Variants in GGT6 observed in about 807,000 individuals in gnomAD.
The protein encoded by GGT6 is glutathione hydrolase 6.
A neutral mutation model predicts 17.0 loss-of-function variants in GGT6; 13 were observed. The ratio of observed to expected loss-of-function variants is 0.77; its 90% CI spans 0.50 to 1.22. GGT6 has a LOEUF of 1.22. Among genes scored for constraint, GGT6 ranks in the 50% most tolerant of loss-of-function variants. GGT6 has a pLI of 0.00. For synonymous variants in GGT6, 305 were observed against 297.9 expected (o/e 1.02, Z -0.25); for missense variants, 628 against 643.7 (o/e 0.98, Z 0.26).
rs1597395272 is a variant in GGT6, at chr17:4,557,840, A to G, written c.*175T>C. On this transcript the variant is annotated 3_prime_UTR_variant, in exon 4 of 4. Transcript: ENST00000381550. ...GAGATCTTGCTTTGTTGTCTAGGCT[A>G]GTTTCAAACTCCTGGCCTCGAGGTA... 1.9e-6 allele frequency: 1 copy of G among 535,918 alleles called. No individual in the cohort carries two copies. Among genetic ancestry groups the G allele is most frequent in the African/African-American group, 1.9e-5 (1 of 53,028 alleles). The allele number at this position is 535,918 out of a possible 1,614,324, so 33.2% of individuals were successfully genotyped here. A position where few individuals can be genotyped will look rare whatever the true frequency, so the allele number is the denominator to read the frequency against.
rs1236701427 is a variant in GGT6, at chr17:4,560,506, CT to C, written c.15del (p.Glu6SerfsTer32). On this transcript the variant is annotated frameshift_variant, in exon 1 of 4. Coordinates refer to ENST00000381550, the MANE Select transcript of GGT6 (RefSeq NM_001288702.2). LOFTEE classifies it high-confidence loss of function. ...AGCAGCTTCTGATAGACCACGGGCT[CT>C]TCTGCCCGCTCCATGGCCCCCCAGT... MERA[E>X]EPVVYQKLLP... The C allele has an allele frequency of 6.2e-7, 1 of 1,611,358 alleles. No individual in the cohort carries two copies. Among genetic ancestry groups the C allele is most frequent in the African/African-American group, 1.3e-5 (1 of 74,942 alleles).
chr17:4,560,565 C>T lies in GGT6; in HGVS notation c.-44G>A. 6.2e-7 allele frequency: 1 copy of T among 1,601,698 alleles called. No individual in the cohort carries two copies. Among genetic ancestry groups the T allele is most frequent in the South Asian group, 1.1e-5 (1 of 90,998 alleles). On this transcript the variant is annotated 5_prime_UTR_variant, in exon 1 of 4. Transcript: ENST00000381550. ...CCAGCCCTCCTGCCTGCCAGCCTTT[C>T]CGGCTGTGTCTCAGAGGCCCTGCCC... is the stretch of plus-strand genomic sequence containing the variant.
In GGT6 at chr17:4,558,488, G is replaced by A. The variant is rs746290858; in HGVS notation, c.1027C>T (p.Pro343Ser). 6 of 1,607,234 alleles carry A rather than the reference G, an allele frequency of 3.7e-6. No homozygotes were observed. In the East Asian group the frequency reaches 8.9e-5, roughly 24 times the overall value. ...GCAGTCTGCAGGAACGGTGGGCAGG[G>A]GTCAGGGATGGGCGCCCCGGAGCGC... Reference protein sequence around the residue: ...ALRSGAPIPDPCPPFLQTAVS... With the variant: ...ALRSGAPIPDSCPPFLQTAVS... Residue 343 changes from proline (P) to serine (S), a missense_variant, in exon 4 of 4, where the codon CCC becomes TCC. Coordinates refer to ENST00000381550, the MANE Select transcript of GGT6 (RefSeq NM_001288702.2).
Position 4,558,940 on chromosome 17 carries a change from A to G in GGT6, c.575T>C (p.Leu192Pro), listed in dbSNP as rs1451219881. The change falls in exon 4 of 4, where the codon CTG becomes CCG. Residue 192 changes from leucine to proline, a missense_variant. Physicochemically the swap from Leu to Pro is moderately conservative, Grantham distance 98. Coordinates refer to ENST00000381550, the MANE Select transcript of GGT6 (RefSeq NM_001288702.2). ...GLGLPAALPTLHLLHARFGRL... is the reference protein window; with the variant it reads ...GLGLPAALPTPHLLHARFGRL... ...GCCGAAGCGTGCATGCAGCAGGTGCAGGGTGGGCAGAGCCGCGGGCAGCCC... is the reference window on the plus strand; with the variant it reads ...GCCGAAGCGTGCATGCAGCAGGTGCGGGGTGGGCAGAGCCGCGGGCAGCCC... 1 of 1,549,624 alleles carries G rather than the reference A, an allele frequency of 6.5e-7. No homozygotes were observed. The highest frequency in any genetic ancestry group is 8.7e-7 in the Non-Finnish European group (1 of 1,146,870).
At position 4,558,170 on chromosome 17, in the gene GGT6, G is replaced by A. The variant is rs1908304186; in HGVS notation, c.1345C>T (p.Pro449Ser). The A allele has an allele frequency of 2.5e-6, 4 of 1,613,896 alleles. No individual in the cohort carries two copies. In the African/African-American group the frequency reaches 4.0e-5, roughly 16 times the overall value. Residue 449 changes from proline (P) to serine (S), a missense_variant, in exon 4 of 4, where the codon CCT becomes TCT. Pro to Ser is a moderately conservative substitution (Grantham distance 74). Coordinates refer to ENST00000381550, the MANE Select transcript of GGT6 (RefSeq NM_001288702.2). Reference sequence around the variant, plus strand: ...TGATGCTGGTGCTGGGCCTGGGTAGGGGGCCTTGCTGCCAGATGCCTGAGT... The same window carrying A: ...TGATGCTGGTGCTGGGCCTGGGTAGAGGGCCTTGCTGCCAGATGCCTGAGT... ...TLLRHLAARPPTQAQHQHQGQ... is the reference protein window; with the variant it reads ...TLLRHLAARPSTQAQHQHQGQ...
At position 4,557,901 on chromosome 17, in the gene GGT6, C is replaced by T; in HGVS notation, c.*114G>A. The T allele has an allele frequency of 1.5e-6, 1 of 687,948 alleles. No individual in the cohort carries two copies. Among genetic ancestry groups the T allele is most frequent in the Non-Finnish European group, 2.4e-6 (1 of 422,066 alleles). 42.6% of individuals were successfully genotyped at this position (687,948 alleles called of 1,614,324 possible). A position where few individuals can be genotyped will look rare whatever the true frequency, so the allele number is the denominator to read the frequency against. On this transcript the variant is annotated 3_prime_UTR_variant, in exon 4 of 4. Coordinates refer to ENST00000381550, the MANE Select transcript of GGT6 (RefSeq NM_001288702.2). ...TTGACCACCCAAAGTGCTGAGATTA[C>T]AGGTGTGAGGCACCACACCCTGCGG...
Position 4,559,326 on chromosome 17 carries a change from G to T in GGT6, c.457+17C>A. On this transcript the variant is annotated intron_variant, in intron 3 of 3. Coordinates refer to ENST00000381550, the MANE Select transcript of GGT6 (RefSeq NM_001288702.2). ...GCTGTGGGTTGGGGTTGCAGTCTGG[G>T]GTCAGGGGTCACTGACCTAGCCCCG... 6.5e-7 allele frequency: 1 copy of T among 1,537,124 alleles called. No homozygotes were observed. Among genetic ancestry groups the T allele is most frequent in the Admixed American group, 2.0e-5 (1 of 50,994 alleles).
chr17:4,559,075 G>T lies in GGT6; in HGVS notation c.458-18C>A, dbSNP rs538355506. On this transcript the variant is annotated intron_variant, in intron 3 of 3. Coordinates refer to ENST00000381550, the MANE Select transcript of GGT6 (RefSeq NM_001288702.2). The stretch of plus-strand genomic sequence containing the variant: ...CATGGCACCTGCAGGAGACAGAGGG[G>T]TCCCTCAGCAGCCGCAGGTCAAGGG... 1.1e-3 allele frequency: 1,710 copies of T among 1,539,496 alleles called. 2 individuals are homozygous for T. The highest frequency in any genetic ancestry group is 1.4e-3 in the Non-Finnish European group (1,570 of 1,146,778).
In GGT6 at chr17:4,558,215, T is replaced by C; in HGVS notation, c.1300A>G (p.Arg434Gly). The stretch of plus-strand genomic sequence containing the variant: ...CTGAGTAGGGTGTGAGTCATGGCCC[T>C]GGCCACATCAGGGGTCCCTGAAGCC... ...LVASGTPDVA[R>G]AMTHTLLRHL... The change falls in exon 4 of 4, where the codon AGG (arginine) becomes GGG (glycine). Residue 434 changes from arginine to glycine, a missense_variant. Arg to Gly is a moderately radical substitution (Grantham distance 125). Transcript: ENST00000381550. 1 of 1,614,182 alleles carries C rather than the reference T, an allele frequency of 6.2e-7. No individual in the cohort carries two copies. Among genetic ancestry groups the C allele is most frequent in the Non-Finnish European group, 8.5e-7 (1 of 1,180,040 alleles).
chr17:4,560,353 C>A (rs1324681873), intron 1 of GGT6, 29 bp downstream of exon 1: 5 of 1,613,368 alleles, frequency 3.1e-6, no homozygotes, highest in Non-Finnish European at 3.4e-6. Flanking sequence ...GCCTGGGGAG[C>A]CTGGTGCCCA....
rs1348856127 is a variant in GGT6, at chr17:4,560,368, C to CT, written c.140+13_140+14insA. 1 of 1,613,904 alleles carries CT rather than the reference C, an allele frequency of 6.2e-7. No individual in the cohort carries two copies. ...GCCTGGGGAGCCTGGTGCCCAGACC[C>CT]CTCCCTTACTTACCTGGAAGAGTCC... On this transcript the variant is annotated intron_variant, in intron 1 of 3. Transcript: ENST00000381550.
At chr17:4,560,224 T>A (rs991869797) in intron 1 of GGT6, among the ~76,000 whole-genome samples, 158 bp downstream of exon 1, 16 of 152,176 alleles carry the variant, frequency 1.1e-4, no homozygotes, top group South Asian at 2.1e-4. Flanking sequence ...TCAGGCCAAG[T>A]CTCGGGCTAC....
rs1030624075 is a variant in GGT6 at position 4,557,854 on chromosome 17, G to A, written c.*161C>T. The stretch of plus-strand genomic sequence containing the variant: ...TTGTCTAGGCTAGTTTCAAACTCCT[G>A]GCCTCGAGGTATCTTCCTGCCTTGA... On this transcript the variant is annotated 3_prime_UTR_variant, in exon 4 of 4. Coordinates refer to ENST00000381550, the MANE Select transcript of GGT6 (RefSeq NM_001288702.2). 3.6e-5 allele frequency: 20 copies of A among 548,068 alleles called. No individual in the cohort carries two copies. The highest frequency in any genetic ancestry group is 6.4e-5 in the Non-Finnish European group (20 of 314,570). The allele number at this position is 548,068 out of a possible 1,614,324, so 34.0% of individuals were successfully genotyped here.
Position 4,558,388 on chromosome 17 carries a change from T to C in GGT6, c.1127A>G (p.Asn376Ser), listed in dbSNP as rs1908326469. The C allele has an allele frequency of 2.5e-6, 4 of 1,605,308 alleles. No individual in the cohort carries two copies. The highest frequency in any genetic ancestry group is 3.4e-6 in the Non-Finnish European group (4 of 1,179,944). Residue 376 changes from asparagine (N) to serine (S), a missense_variant, in exon 4 of 4, where the codon AAC (asparagine) becomes AGC (serine). Physicochemically the swap from Asn to Ser is conservative, Grantham distance 46. Coordinates refer to ENST00000381550, the MANE Select transcript of GGT6 (RefSeq NM_001288702.2). ...CAGGTGTGCAGAGCCAAAGGAGCAG[T>C]TGAGCGAGGAGGTGAGAAGGAGCAC... ...GSVLLLTSSL[N>S]CSFGSAHLSP...
rs1215635021 is a variant in GGT6, at chr17:4,557,288, C to A, written c.*727G>T. 6.6e-6 allele frequency: 1 copy of A among 151,060 alleles called. No homozygotes were observed. Among genetic ancestry groups the A allele is most frequent in the Admixed American group, 6.6e-5 (1 of 15,176 alleles). The allele number at this position is 151,060 out of a possible 1,614,324, so 9.4% of individuals were successfully genotyped here. ...AAAGGCCAGAGGTTGGGGCCTGAGCCAGCAGTGAGCACATAATAAATCCTT... is the reference window on the plus strand; with the variant it reads ...AAAGGCCAGAGGTTGGGGCCTGAGCAAGCAGTGAGCACATAATAAATCCTT... On this transcript the variant is annotated 3_prime_UTR_variant, in exon 4 of 4. Transcript: ENST00000381550.
In GGT6 at chr17:4,558,995, C is replaced by A; in HGVS notation, c.520G>T (p.Gly174Cys). 1.3e-6 allele frequency: 2 copies of A among 1,545,608 alleles called. No homozygotes were observed. The highest frequency in any genetic ancestry group is 1.7e-6 in the Non-Finnish European group (2 of 1,146,968). The change falls in exon 4 of 4, where the codon GGC (glycine) becomes TGC (cysteine). Residue 174 changes from glycine (G) to cysteine (C), a missense_variant. Coordinates refer to ENST00000381550, the MANE Select transcript of GGT6 (RefSeq NM_001288702.2). ...CCGGGGGCCAGGGTCTGTGCTGGGC[C>A]TGATGTCAGGGCCGTGGAATTGCCT... ...SSGNSTALTS[G>C]PAQTLAPGLG... is the part of the protein sequence containing the mutation.
At position 4,558,694 on chromosome 17, in the gene GGT6, T is replaced by C; in HGVS notation, c.821A>G (p.Asp274Gly). Residue 274 changes from aspartate (D) to glycine (G), a missense_variant, in exon 4 of 4, where the codon GAC (aspartate) becomes GGC (glycine). Transcript: ENST00000381550. ...ACTCAGTAGAGCATCCCCAGCAAGG[T>C]CTGAGGTGGGAGCGAGGGCTGCGCT... is the stretch of plus-strand genomic sequence containing the variant. ...LRSAALAPTS[D>G]LAGDALLSLL... 1.2e-6 allele frequency: 2 copies of C among 1,608,036 alleles called. No homozygotes were observed. The highest frequency in any genetic ancestry group is 1.7e-6 in the Non-Finnish European group (2 of 1,177,532).
Position 4,559,175 on chromosome 17 carries a change from G to T in GGT6, c.458-118C>A, listed in dbSNP as rs994693212. 39 of 1,365,994 alleles carry T rather than the reference G, an allele frequency of 2.9e-5. No individual in the cohort carries two copies. The Admixed American group carries it at 7.9e-4, about 28-fold the overall frequency. 84.6% of individuals were successfully genotyped at this position (1,365,994 alleles called of 1,614,324 possible). ...GTTACTGACCAGGCCTGAGGTCAAA[G>T]TTCCACAGACCCGGGCTCAAGGGTC... On this transcript the variant is annotated intron_variant, in intron 3 of 3. Transcript: ENST00000381550.
chr17:4,556,526 C>G (rs35953235), downstream of GGT6, among the ~76,000 whole-genome samples: 1 of 152,118 alleles, frequency 6.6e-6, no homozygotes, highest in Non-Finnish European at 1.5e-5. Context: ...GGGAGGGGAA[C>G]TGCTACTGGT....
Sources: allele counts gnomAD v4.1 joint callset (sites outside exome capture counted in the v4.1 genomes callset), GRCh38; gene constraint gnomAD v4.1.1; transcripts MANE v1.5; gene names NCBI Gene and HGNC (gene_info 2026-07-23, HGNC 2026-07-21).